Variants in FAM3C observed in about 807,000 individuals in gnomAD.
The protein encoded by FAM3C is protein FAM3C.
In FAM3C, 15 loss-of-function variants were observed where a neutral mutation model predicts 32.5. That is an observed-to-expected ratio of 0.46 (90% CI 0.31 to 0.71). The LOEUF is 0.71. Among genes scored for constraint, FAM3C ranks in the 30% least tolerant of loss-of-function variants. FAM3C has a pLI of 0.05. For synonymous variants in FAM3C, 75 were observed against 86.1 expected, an observed-to-expected ratio of 0.87 and a Z score of 0.72; for missense variants, 175 against 274.4, an observed-to-expected ratio of 0.64 and a Z score of 2.56.
At chr7:121,392,204 G>C (rs369891511) in intron 1 of FAM3C, among the ~76,000 whole-genome samples, 1 of 152,124 alleles carries the variant, frequency 6.6e-6, no homozygotes, top group African/African-American at 2.4e-5. Flanking sequence ...TTGTGAAAAC[G>C]TATTGTATTA....
rs15427 is a variant in FAM3C at position 121,350,066 on chromosome 7, C to T, written c.*395G>A. ...GTCATCACAACGCAACATATAGAAA[C>T]ATAAAAGAAAATAAAGTATCCACCC... is the stretch of plus-strand genomic sequence containing the variant. On this transcript the variant is annotated 3_prime_UTR_variant, in exon 10 of 10. Transcript: ENST00000359943. 0.052 allele frequency: 8,057 copies of T among 156,250 alleles called. 647 individuals are homozygous for T. Among genetic ancestry groups the T allele is most frequent in the African/African-American group, 0.11 (2,913 of 27,726 alleles). The allele number at this position is 156,250 out of a possible 1,614,324, so 9.7% of individuals were successfully genotyped here. A position where few individuals can be genotyped will look rare whatever the true frequency, so the allele number is the denominator to read the frequency against.
At chr7:121,363,694 C>T (rs1793969821) in intron 6 of FAM3C, among the ~76,000 whole-genome samples, 1 of 152,120 alleles carries the variant, frequency 6.6e-6, no homozygotes, top group African/African-American at 2.4e-5. Context: ...AGGATTCAAT[C>T]AACTTATTCA....
At chr7:121,394,125 A>G (rs1234352762) in intron 1 of FAM3C, among the ~76,000 whole-genome samples, 1 of 152,232 alleles carries the variant, frequency 6.6e-6, no homozygotes, top group Non-Finnish European at 1.5e-5. Context: ...TATCCATGAT[A>G]TCTACAATTA....
chr7:121,378,641 A>G (rs761389458), intron 3 of FAM3C, among the ~76,000 whole-genome samples: 19 of 152,236 alleles, frequency 1.2e-4, no homozygotes, highest in Admixed American at 4.6e-4. Flanking sequence ...TAGAATGTGC[A>G]CTTAGAATGC....
At chr7:121,352,961 A>T (rs934301265) in intron 8 of FAM3C, among the ~76,000 whole-genome samples, 10 of 152,180 alleles carry the variant, frequency 6.6e-5, no homozygotes, top group African/African-American at 9.7e-5. Context: ...ATAGTATTGA[A>T]ATGTCTAGAG....
At chr7:121,369,788 T>C (rs949662551) in intron 5 of FAM3C, among the ~76,000 whole-genome samples, 1 of 152,146 alleles carries the variant, frequency 6.6e-6, no homozygotes, top group Non-Finnish European at 1.5e-5. Flanking sequence ...GGAAAGACCA[T>C]CCTAGACAGA....
rs138190373 is a variant in FAM3C at position 121,370,469 on chromosome 7, C to T, written c.272+831G>A. 6.6e-3 allele frequency among the ~76,000 whole-genome samples: 1,009 copies of T among 152,162 alleles called. 8 individuals are homozygous for T. Among genetic ancestry groups the T allele is most frequent in the Non-Finnish European group, 0.012 (835 of 68,016 alleles). ...AATTATCTCTTTATTCTATATAATT[C>T]GTGACAAATTTATTATTTTATATTA... On this transcript the variant is annotated intron_variant, in intron 5 of 9. Coordinates refer to ENST00000359943, the MANE Select transcript of FAM3C (RefSeq NM_014888.3).
rs1793643587 is a variant in FAM3C at position 121,349,004 on chromosome 7, T to C, written c.*1457A>G. 1 of 152,264 alleles carries C rather than the reference T, an allele frequency of 6.6e-6. No homozygotes were observed. The highest frequency in any genetic ancestry group is 1.5e-5 in the Non-Finnish European group (1 of 67,914). The allele number at this position is 152,264 out of a possible 1,614,324, so 9.4% of individuals were successfully genotyped here. A position where few individuals can be genotyped will look rare whatever the true frequency, so the allele number is the denominator to read the frequency against. ...TCAAAATACACATGCTGAATGTGAT[T>C]TAGCATATAAGCACCAAAAATCCCA... On this transcript the variant is annotated 3_prime_UTR_variant, in exon 10 of 10. Transcript: ENST00000359943.
chr7:121,361,802 A>G (rs748789074), intron 7 of FAM3C, among the ~76,000 whole-genome samples: 1 of 152,086 alleles, frequency 6.6e-6, no homozygotes, highest in Non-Finnish European at 1.5e-5. Flanking sequence ...CGGCCTCCCA[A>G]GGAGTAGCTG....
At position 121,395,679 on chromosome 7, in the gene FAM3C, C is replaced by T. The variant is rs1352055112; in HGVS notation, c.-42+483G>A. On this transcript the variant is annotated intron_variant, in intron 1 of 9. Coordinates refer to ENST00000359943, the MANE Select transcript of FAM3C (RefSeq NM_014888.3). ...AAAGGGCTGGATAGCTTGTAAAAAACCAAAAGTACCTCTAGTATAGGCGAC... is the reference window on the plus strand; with the variant it reads ...AAAGGGCTGGATAGCTTGTAAAAAATCAAAAGTACCTCTAGTATAGGCGAC... 2.6e-5 allele frequency among the ~76,000 whole-genome samples: 4 copies of T among 152,266 alleles called. No homozygotes were observed. In the East Asian group the frequency reaches 7.8e-4, roughly 30 times the overall value.
chr7:121,383,704 G>GA (rs1157179786), intron 1 of FAM3C, among the ~76,000 whole-genome samples: 7 of 152,010 alleles, frequency 4.6e-5, no homozygotes, highest in Admixed American at 4.6e-4. Flanking sequence ...ACAGATGCTG[G>GA]AAAAAAATCT....
chr7:121,361,868 G>A (rs913358077), intron 7 of FAM3C, among the ~76,000 whole-genome samples: 4 of 152,276 alleles, frequency 2.6e-5, no homozygotes, highest in African/African-American at 4.8e-5. Context: ...TAGTAGAGAC[G>A]GGGTTTCGCT....
At chr7:121,361,757 C>G (rs1268565156) in intron 7 of FAM3C, among the ~76,000 whole-genome samples, 1 of 152,208 alleles carries the variant, frequency 6.6e-6, no homozygotes, top group Non-Finnish European at 1.5e-5. Flanking sequence ...CTCACCGCAA[C>G]TTCTGCCTCC....
At chr7:121,366,826 G>A (rs1280067194) in intron 5 of FAM3C, among the ~76,000 whole-genome samples, 1 of 152,154 alleles carries the variant, frequency 6.6e-6, no homozygotes, top group Non-Finnish European at 1.5e-5. Flanking sequence ...AAAATGTACT[G>A]TTCTGTTTCT....
chr7:121,380,246 G>C (rs1416781164), intron 2 of FAM3C: 1 of 152,144 alleles, frequency 6.6e-6, no homozygotes, highest in East Asian at 1.9e-4. Flanking sequence ...CATGCAACCA[G>C]AGATAACTTT....
intron 9 of FAM3C, 29 bp from the exon 10 acceptor site, chr7:121,350,579 T>C (rs1408083934): frequency 1.4e-5 from 22 of 1,607,684 alleles, no homozygotes; most frequent in Non-Finnish European, 1.9e-5. Context: ...AATATACAGT[T>C]TAAAAAACCG....
intron 3 of FAM3C, among the ~76,000 whole-genome samples, chr7:121,377,054 A>G (rs1027156071): frequency 5.3e-5 from 8 of 152,126 alleles, no homozygotes; most frequent in African/African-American, 1.9e-4. Flanking sequence ...CCTATGTGTC[A>G]TGGGAGGGAC....
intron 8 of FAM3C, among the ~76,000 whole-genome samples, chr7:121,358,200 T>TA (rs1442090402): frequency 6.6e-6 from 1 of 152,156 alleles, no homozygotes; most frequent in African/African-American, 2.4e-5. Flanking sequence ...TACTTCAGCT[T>TA]ACAACCATTT....
chr7:121,388,518 C>T (rs1794512155), intron 1 of FAM3C, among the ~76,000 whole-genome samples: 2 of 151,938 alleles, frequency 1.3e-5, no homozygotes. Context: ...GTAAATGTAT[C>T]CACTCCTTCT....
Sources: allele counts gnomAD v4.1 joint callset (sites outside exome capture counted in the v4.1 genomes callset), GRCh38; gene constraint gnomAD v4.1.1; transcripts MANE v1.5; gene names NCBI Gene and HGNC (gene_info 2026-07-23, HGNC 2026-07-21).